HDAC3: variants seen among roughly 807,000 people sequenced by gnomAD.
HDAC3 encodes the protein SMAP45.
In HDAC3, 21 loss-of-function variants were observed where a neutral mutation model predicts 62.3. That is an observed-to-expected ratio of 0.34 (90% CI 0.24 to 0.49). HDAC3 has a LOEUF of 0.49. Ranked by LOEUF, HDAC3 falls within the 20% of genes least tolerant of loss-of-function variation. The pLI is 0.99. For synonymous variants in HDAC3, 198 were observed against 206.5 expected (o/e 0.96, Z 0.35); for missense variants, 270 against 556.9 (o/e 0.48, Z 5.19).
chr5:141,635,903 T>TG (rs1203165575), intron 2 of HDAC3: 1 of 152,332 alleles, frequency 6.6e-6, no homozygotes, highest in Non-Finnish European at 1.5e-5. Flanking sequence ...CCACCACGCC[T>TG]GGCGTGGCTT....
chr5:141,629,777 T>C lies in HDAC3; in HGVS notation c.421-38A>G, dbSNP rs763867086. On this transcript the variant is annotated intron_variant, in intron 5 of 14. Coordinates refer to ENST00000305264, the MANE Select transcript of HDAC3 (RefSeq NM_003883.4). The surrounding 1 kb of genome is among the most constrained non-coding windows in gnomAD (Gnocchi z 5.3). Reference sequence around the variant, plus strand: ...AGTGGTCTCATAAAGAGAAGAGCAATTCCCCTCCCAGCTGCCCCCCACCAT... The same window carrying C: ...AGTGGTCTCATAAAGAGAAGAGCAACTCCCCTCCCAGCTGCCCCCCACCAT... 3 of 1,612,530 alleles carry C rather than the reference T, an allele frequency of 1.9e-6. No individual in the cohort carries two copies. The highest frequency in any genetic ancestry group is 2.5e-6 in the Non-Finnish European group (3 of 1,178,682).
intron 2 of HDAC3, 66 bp downstream of exon 2, chr5:141,636,482 C>T: frequency 6.9e-7 from 1 of 1,451,220 alleles, no homozygotes. Context: ...CTCAGTCCAG[C>T]CCACCTATCC....
chr5:141,621,589 TC>T (rs1169281845), intron 14 of HDAC3, 52 bp from the exon 15 acceptor site: 4 of 1,491,340 alleles, frequency 2.7e-6, no homozygotes, highest in Non-Finnish European at 3.7e-6. Context: ...TCTAATCTTC[TC>T]CCAGCACCCT....
Position 141,621,346 on chromosome 5 carries a change from C to G in HDAC3, c.*122G>C. On this transcript the variant is annotated 3_prime_UTR_variant, in exon 15 of 15. Coordinates refer to ENST00000305264, the MANE Select transcript of HDAC3 (RefSeq NM_003883.4). Reference sequence around the variant, plus strand: ...GAGAACCAAATGTGGTCTCCAGACTCTTTCCCAGAGTCAGCAAAAGCCCTG... The same window carrying G: ...GAGAACCAAATGTGGTCTCCAGACTGTTTCCCAGAGTCAGCAAAAGCCCTG... 1.2e-6 allele frequency: 1 copy of G among 848,020 alleles called. No individual in the cohort carries two copies. The highest frequency in any genetic ancestry group is 1.4e-5 in the South Asian group (1 of 69,354). 52.5% of individuals were successfully genotyped at this position (848,020 alleles called of 1,614,324 possible). A position where few individuals can be genotyped will look rare whatever the true frequency, so the allele number is the denominator to read the frequency against.
At position 141,627,977 on chromosome 5, in the gene HDAC3, A is replaced by G; in HGVS notation, c.766-20T>C. ...TCCACACTGCAAAAAGCAAAACCCCAGGAAAGTGCAGTGATCAGAACTGAT... is the reference window on the plus strand; with the variant it reads ...TCCACACTGCAAAAAGCAAAACCCCGGGAAAGTGCAGTGATCAGAACTGAT... On this transcript the variant is annotated intron_variant, in intron 9 of 14. Transcript: ENST00000305264. 6.2e-7 allele frequency: 1 copy of G among 1,613,910 alleles called. No individual in the cohort carries two copies. The highest frequency in any genetic ancestry group is 1.1e-5 in the South Asian group (1 of 91,080).
intron 14 of HDAC3, among the ~76,000 whole-genome samples, chr5:141,623,608 T>C (rs2099903992): frequency 6.6e-6 from 1 of 152,188 alleles, no homozygotes; most frequent in African/African-American, 2.4e-5. Flanking sequence ...TTCCAGATGT[T>C]CAGACACTTC....
Position 141,628,793 on chromosome 5 carries a change from T to C in HDAC3, c.611-154A>G, listed in dbSNP as rs924442635. Reference sequence around the variant, plus strand: ...CTAAATCTCTTGCAGCTTGCATTCATTGGGCAAATAGTTTTGGGGGATCCA... The same window carrying C: ...CTAAATCTCTTGCAGCTTGCATTCACTGGGCAAATAGTTTTGGGGGATCCA... On this transcript the variant is annotated intron_variant, in intron 7 of 14. Coordinates refer to ENST00000305264, the MANE Select transcript of HDAC3 (RefSeq NM_003883.4). This position sits in a 1 kb window ranked among gnomAD's most constrained non-coding sequence, Gnocchi z 4.7. Among the ~76,000 whole-genome samples the C allele has an allele frequency of 6.6e-6, 1 of 152,216 alleles. No homozygotes were observed. The highest frequency in any genetic ancestry group is 6.5e-5 in the Admixed American group (1 of 15,282).
intron 14 of HDAC3, among the ~76,000 whole-genome samples, chr5:141,623,825 C>T (rs780578105): frequency 2.0e-5 from 3 of 152,052 alleles, no homozygotes; most frequent in Admixed American, 6.6e-5. Context: ...AGCAAGACAG[C>T]GTGTCCCACA....
rs775073140 is a variant in HDAC3 at position 141,625,372 on chromosome 5, G to T, written c.1060-7C>A. On this transcript the variant is annotated splice_polypyrimidine_tract_variant and splice_region_variant and intron_variant, in intron 13 of 14. Coordinates refer to ENST00000305264, the MANE Select transcript of HDAC3 (RefSeq NM_003883.4). The surrounding 1 kb of genome is among the most constrained non-coding windows in gnomAD (Gnocchi z 4.0). ...GGCGGATCTGGTCCAGATACTGGTT[G>T]GAAATGAGGAATACAGAGTGAGCAG... 1 of 1,613,882 alleles carries T rather than the reference G, an allele frequency of 6.2e-7. No homozygotes were observed. Among genetic ancestry groups the T allele is most frequent in the Non-Finnish European group, 8.5e-7 (1 of 1,179,920 alleles).
intron 3 of HDAC3, among the ~76,000 whole-genome samples, chr5:141,632,020 ATTTTT>A (rs376573720): frequency 1.5e-5 from 2 of 136,968 alleles, no homozygotes; most frequent in African/African-American, 2.7e-5. Flanking sequence ...GAGGTCTGGA[ATTTTT>A]TTTTTTTTTT....
chr5:141,635,421 G>A (rs529484633), intron 2 of HDAC3, among the ~76,000 whole-genome samples: 3 of 152,340 alleles, frequency 2.0e-5, no homozygotes, highest in Admixed American at 6.5e-5. Context: ...ACAAGAAAGA[G>A]CTTTTCTTCT....
rs2099904808 is a variant in HDAC3, at chr5:141,628,772, A to C, written c.611-133T>G. The C allele has an allele frequency of 7.6e-6, 5 of 661,120 alleles. No homozygotes were observed. The highest frequency in any genetic ancestry group is 5.6e-5 in the South Asian group (3 of 53,980). The allele number at this position is 661,120 out of a possible 1,614,324, so 41.0% of individuals were successfully genotyped here. Reference sequence around the variant, plus strand: ...ACCATAAACTCCCTAGAGCCACTAAATCTCTTGCAGCTTGCATTCATTGGG... The same window carrying C: ...ACCATAAACTCCCTAGAGCCACTAACTCTCTTGCAGCTTGCATTCATTGGG... On this transcript the variant is annotated intron_variant, in intron 7 of 14. Transcript: ENST00000305264. This position sits in a 1 kb window ranked among gnomAD's most constrained non-coding sequence, Gnocchi z 4.7.
At chr5:141,635,147 C>T in intron 2 of HDAC3, 194 bp from the exon 3 acceptor site, 1 of 529,740 alleles carries the variant, frequency 1.9e-6, no homozygotes, top group Admixed American at 3.7e-5. Flanking sequence ...CTGAAGACCA[C>T]TTCTTTTCCT....
Position 141,628,458 on chromosome 5 carries a change from A to G in HDAC3, c.691+101T>C, listed in dbSNP as rs2099904761. The stretch of plus-strand genomic sequence containing the variant: ...GTCCCTCTGAAGGCCATTCATCCTT[A>G]AGGACAACTGGCCCAACAGCAGACA... On this transcript the variant is annotated intron_variant, in intron 8 of 14. Transcript: ENST00000305264. The surrounding 1 kb of genome is among the most constrained non-coding windows in gnomAD (Gnocchi z 4.7). 9 of 967,976 alleles carry G rather than the reference A, an allele frequency of 9.3e-6. No individual in the cohort carries two copies. The South Asian group carries it at 1.2e-4, about 13-fold the overall frequency. The allele number at this position is 967,976 out of a possible 1,614,324, so 60.0% of individuals were successfully genotyped here.
At chr5:141,622,178 C>T (rs2099903802) in intron 14 of HDAC3, among the ~76,000 whole-genome samples, 1 of 152,144 alleles carries the variant, frequency 6.6e-6, no homozygotes, top group Non-Finnish European at 1.5e-5. Flanking sequence ...GGATTTTCTT[C>T]TAAGTGCAAG....
At chr5:141,627,482 T>C (rs1456909787) in intron 10 of HDAC3, among the ~76,000 whole-genome samples, 1 of 152,220 alleles carries the variant, frequency 6.6e-6, no homozygotes, top group Non-Finnish European at 1.5e-5. Context: ...CAAATTTTAC[T>C]TCCTCAGAAA....
At chr5:141,633,067 A>G (rs1199016021) in intron 3 of HDAC3, among the ~76,000 whole-genome samples, 1 of 152,246 alleles carries the variant, frequency 6.6e-6, no homozygotes, top group African/African-American at 2.4e-5. Flanking sequence ...GGTCTATTAT[A>G]ATACATCTAA....
intron 14 of HDAC3, among the ~76,000 whole-genome samples, chr5:141,624,194 G>T (rs1444817095): frequency 2.0e-5 from 3 of 151,280 alleles, no homozygotes; most frequent in African/African-American, 7.3e-5. Context: ...ATGCTGGCAA[G>T]ACTATAGGGT....
rs372678858 is a variant in HDAC3 at position 141,629,851 on chromosome 5, C to T, written c.420+9G>A. 1.1e-4 allele frequency: 175 copies of T among 1,614,004 alleles called. No homozygotes were observed. Among genetic ancestry groups the T allele is most frequent in the Non-Finnish European group, 1.4e-4 (167 of 1,180,006 alleles). On this transcript the variant is annotated intron_variant, in intron 5 of 14. Coordinates refer to ENST00000305264, the MANE Select transcript of HDAC3 (RefSeq NM_003883.4). This position sits in a 1 kb window ranked among gnomAD's most constrained non-coding sequence, Gnocchi z 5.3. ...TGGCCACTGTCTTTCCCATCACCTCCTCACTCACCTCAAACTTCTTGGCAT... is the reference window on the plus strand; with the variant it reads ...TGGCCACTGTCTTTCCCATCACCTCTTCACTCACCTCAAACTTCTTGGCAT...
Sources: allele counts gnomAD v4.1 joint callset (sites outside exome capture counted in the v4.1 genomes callset), GRCh38; gene constraint gnomAD v4.1.1; non-coding constraint Gnocchi (gnomAD v3.1); transcripts MANE v1.5; gene names NCBI Gene and HGNC (gene_info 2026-07-23, HGNC 2026-07-21).